Variants in SGMS1 observed in about 807,000 individuals in gnomAD.
SGMS1 encodes the protein phosphatidylcholine:ceramide cholinephosphotransferase 1.
SGMS1 carries 13 observed loss-of-function variants against 46.2 expected under a neutral mutation model. The ratio of observed to expected loss-of-function variants is 0.28; its 90% CI spans 0.18 to 0.45. The LOEUF (loss-of-function observed/expected upper bound fraction) is 0.45. Among genes scored for constraint, SGMS1 ranks in the 20% least tolerant of loss-of-function variants. SGMS1 has a pLI of 1.00. For missense variants in SGMS1, 324 were observed against 519.9 expected, an observed-to-expected ratio of 0.62 and a Z score of 3.66; for synonymous variants, 203 against 187.8, an observed-to-expected ratio of 1.08 and a Z score of -0.66.
chr10:50,574,985 A>ATAT (rs58462802), intron 2 of SGMS1, among the ~76,000 whole-genome samples: 2 of 143,084 alleles, frequency 1.4e-5, no homozygotes, highest in Admixed American at 7.1e-5. Flanking sequence ...ATATATATAT[A>ATAT]AAACAAAGTA....
chr10:50,504,711 A>T (rs1392550366), intron 3 of SGMS1, among the ~76,000 whole-genome samples: 9 of 151,846 alleles, frequency 5.9e-5, no homozygotes, highest in Admixed American at 5.2e-4. Flanking sequence ...TTTTTTTTTT[A>T]AAGTAATGGC....
At chr10:50,564,739 G>T (rs1363269634) in intron 2 of SGMS1, among the ~76,000 whole-genome samples, 1 of 151,928 alleles carries the variant, frequency 6.6e-6, no homozygotes, top group Non-Finnish European at 1.5e-5. Flanking sequence ...TGAGACAATG[G>T]CAGATAATCA....
intron 6 of SGMS1, among the ~76,000 whole-genome samples, chr10:50,361,522 T>C (rs1848247828): frequency 6.6e-6 from 1 of 152,052 alleles, no homozygotes; most frequent in Non-Finnish European, 1.5e-5. Flanking sequence ...GCAGTTAAAG[T>C]TCAATTTTTT....
intron 5 of SGMS1, among the ~76,000 whole-genome samples, chr10:50,436,475 A>G (rs1477311636): frequency 6.6e-6 from 1 of 152,176 alleles, no homozygotes; most frequent in Admixed American, 6.5e-5. Flanking sequence ...AGTTCATTTA[A>G]AAGAATGCAG....
chr10:50,343,280 G>A (rs555507894), intron 7 of SGMS1: 7 of 497,410 alleles, frequency 1.4e-5, no homozygotes, highest in East Asian at 1.0e-4. Flanking sequence ...TCATCATCCT[G>A]TATGAATCTT....
At chr10:50,463,889 G>T (rs1837297726) in intron 4 of SGMS1, among the ~76,000 whole-genome samples, 2 of 152,078 alleles carry the variant, frequency 1.3e-5, no homozygotes, top group Non-Finnish European at 2.9e-5. Context: ...TGAACCCTGA[G>T]GACATTATGC....
rs542928530 is a variant in SGMS1, at chr10:50,428,090, C to T, written c.-232+5386G>A. Among the ~76,000 whole-genome samples the T allele has an allele frequency of 9.2e-5, 14 of 152,094 alleles. No homozygotes were observed. In the South Asian group the frequency reaches 2.1e-3, roughly 23 times the overall value. Reference sequence around the variant, plus strand: ...AAAAGAGTAGATCAGTTTAGGCTAACTTATACTGCAGGAACAAAATGTCCT... The same window carrying T: ...AAAAGAGTAGATCAGTTTAGGCTAATTTATACTGCAGGAACAAAATGTCCT... On this transcript the variant is annotated intron_variant, in intron 6 of 10. Transcript: ENST00000361781.
intron 5 of SGMS1, among the ~76,000 whole-genome samples, chr10:50,448,668 C>T (rs562676075): frequency 1.3e-4 from 19 of 145,794 alleles, no homozygotes; most frequent in African/African-American, 4.6e-4. Flanking sequence ...CATTTGAACC[C>T]GGGAGGCGGA....
At chr10:50,606,909 G>A (rs547057213) in intron 1 of SGMS1, among the ~76,000 whole-genome samples, 3 of 151,720 alleles carry the variant, frequency 2.0e-5, no homozygotes, top group East Asian at 1.9e-4. Context: ...ATTTTGTCAC[G>A]TACTTACCAA....
At chr10:50,515,704 C>T (rs552259829) in intron 3 of SGMS1, among the ~76,000 whole-genome samples, 2 of 152,272 alleles carry the variant, frequency 1.3e-5, no homozygotes, top group South Asian at 4.2e-4. Context: ...CCAGGTGAAG[C>T]TTCTGGAGTG....
At chr10:50,546,593 A>G (rs1349528413) in intron 2 of SGMS1, among the ~76,000 whole-genome samples, 2 of 152,138 alleles carry the variant, frequency 1.3e-5, no homozygotes, top group African/African-American at 4.8e-5. Context: ...GAAGCTGGAA[A>G]CCATCATTCT....
intron 2 of SGMS1, among the ~76,000 whole-genome samples, chr10:50,560,111 T>C (rs1838220978): frequency 6.8e-6 from 1 of 147,090 alleles, no homozygotes; most frequent in Admixed American, 6.8e-5. Flanking sequence ...GATTATATAA[T>C]ATATTACATT....
chr10:50,498,413 A>G (rs937816865), intron 3 of SGMS1, among the ~76,000 whole-genome samples: 1 of 152,152 alleles, frequency 6.6e-6, no homozygotes, highest in Admixed American at 6.5e-5. Flanking sequence ...AACCATCACC[A>G]CCATCCATTT....
intron 6 of SGMS1, among the ~76,000 whole-genome samples, chr10:50,386,335 C>G (rs543046672): frequency 6.6e-6 from 1 of 152,120 alleles, no homozygotes; most frequent in Non-Finnish European, 1.5e-5. Flanking sequence ...GGATGGAATG[C>G]ATTACTTCAT....
At chr10:50,518,979 G>T (rs140164153) in intron 3 of SGMS1, among the ~76,000 whole-genome samples, 1 of 152,142 alleles carries the variant, frequency 6.6e-6, no homozygotes, top group African/African-American at 2.4e-5. Context: ...TTGGAGGGAA[G>T]GGAGACAACA....
chr10:50,554,905 T>C (rs1838177871), intron 2 of SGMS1, among the ~76,000 whole-genome samples: 1 of 152,260 alleles, frequency 6.6e-6, no homozygotes, highest in South Asian at 2.1e-4. Context: ...TCTACTGCAT[T>C]CTTTTTACCA....
chr10:50,333,825 C>G lies in SGMS1; in HGVS notation c.624-6503G>C, dbSNP rs552640605. ...CATGAATCAGGAAAATGAGACATAC[C>G]TGTGCACCAGTCCAGAAATGTGTCT... On this transcript the variant is annotated intron_variant, in intron 7 of 10. Coordinates refer to ENST00000361781, the MANE Select transcript of SGMS1 (RefSeq NM_147156.4). Among the ~76,000 whole-genome samples the G allele has an allele frequency of 2.0e-5, 3 of 152,304 alleles. No homozygotes were observed. The East Asian group carries it at 5.8e-4, about 29-fold the overall frequency.
chr10:50,530,660 T>C (rs1332009721), intron 2 of SGMS1, among the ~76,000 whole-genome samples: 2 of 152,010 alleles, frequency 1.3e-5, no homozygotes, highest in African/African-American at 4.8e-5. Context: ...AATTTTTTTT[T>C]TTTCTGTGCT....
chr10:50,463,993 G>T (rs1837298770), intron 4 of SGMS1, among the ~76,000 whole-genome samples: 1 of 152,138 alleles, frequency 6.6e-6, no homozygotes, highest in Non-Finnish European at 1.5e-5. Flanking sequence ...AACAGAAGGT[G>T]GTTCGTAAGG....
Sources: allele counts gnomAD v4.1 joint callset (sites outside exome capture counted in the v4.1 genomes callset), GRCh38; gene constraint gnomAD v4.1.1; transcripts MANE v1.5; gene names NCBI Gene and HGNC (gene_info 2026-07-23, HGNC 2026-07-21).